The following FBLN2 variants were observed in gnomAD, a reference collection of about 807,000 sequenced individuals.
The protein encoded by FBLN2 is fibulin 2.
In FBLN2, 81 loss-of-function variants were observed where a neutral mutation model predicts 123.7. The ratio of observed to expected loss-of-function variants is 0.65; its 90% confidence interval spans 0.55 to 0.79. The LOEUF (loss-of-function observed/expected upper bound fraction) is 0.79, where lower values mean the gene tolerates loss of function less well. FBLN2 is among the 30% of genes least tolerant of loss of function. The probability of loss-of-function intolerance (pLI) is 0.00; values close to 1 mark genes in which losing one functional copy is unlikely to be tolerated. For synonymous variants in FBLN2, 699 were observed against 701.4 expected, an observed-to-expected ratio of 1.00 and a Z score of 0.05; for missense variants, 1,603 against 1,681.3, an observed-to-expected ratio of 0.95 and a Z score of 0.81.
At chr3:13,572,484 C>T (rs1240629551) in intron 2 of FBLN2, among the ~76,000 whole-genome samples, 1 of 152,262 alleles carries the variant, frequency 6.6e-6, no homozygotes, top group East Asian at 1.9e-4. Context: ...CTGGAGCCTG[C>T]ACTCCTGACC....
intron 2 of FBLN2, among the ~76,000 whole-genome samples, chr3:13,579,343 A>G (rs1704247984): frequency 6.6e-6 from 1 of 152,216 alleles, no homozygotes; most frequent in Non-Finnish European, 1.5e-5. Context: ...TCTCCAGAGA[A>G]GTCCACTATA....
At chr3:13,562,395 C>T (rs1348998464) in intron 1 of FBLN2, among the ~76,000 whole-genome samples, 5 of 142,476 alleles carry the variant, frequency 3.5e-5, no homozygotes, top group Non-Finnish European at 4.5e-5. Context: ...CTTGCCGTGT[C>T]GCCCAGGCTG....
chr3:13,592,583 G>C (rs1704712041), intron 2 of FBLN2, among the ~76,000 whole-genome samples: 1 of 152,086 alleles, frequency 6.6e-6, no homozygotes, highest in Non-Finnish European at 1.5e-5. Context: ...TGACAGAATT[G>C]ACATCTCAAT....
rs1462384214 is a variant in FBLN2, at chr3:13,621,853, G to A, written c.2234G>A (p.Cys745Tyr). 5 of 1,614,000 alleles carry A rather than the reference G, an allele frequency of 3.1e-6. No homozygotes were observed. The highest frequency in any genetic ancestry group is 4.2e-6 in the Non-Finnish European group (5 of 1,179,878). The change falls in exon 9 of 18, where the codon TGT (cysteine) becomes TAT (tyrosine). Residue 745 changes from cysteine to tyrosine, a missense_variant. Cys to Tyr is a radical substitution (Grantham distance 194, BLOSUM62 -2). Coordinates refer to ENST00000404922, the MANE Select transcript of FBLN2 (RefSeq NM_001004019.2). ...GTGAACACCCTGGGATCCTTCTACT[G>A]TGTCAACCACACAGTGCTCTGTGCC... The part of the protein sequence containing the change: ...FCVNTLGSFY[C>Y]VNHTVLCADG...
chr3:13,616,068 G>A (rs1360078458), intron 5 of FBLN2, among the ~76,000 whole-genome samples: 2 of 152,194 alleles, frequency 1.3e-5, no homozygotes, highest in African/African-American at 4.8e-5. Context: ...GCAGGGGTGA[G>A]TGTGTGGGGG....
chr3:13,633,553 G>T (rs1706336549), intron 16 of FBLN2, among the ~76,000 whole-genome samples: 2 of 152,254 alleles, frequency 1.3e-5, no homozygotes, highest in South Asian at 2.1e-4. Context: ...AGCCACTTCT[G>T]CAGCTCCTGA....
Position 13,571,240 on chromosome 3 carries a change from G to T in FBLN2, c.885G>T (p.Gln295His). 2 of 1,568,640 alleles carry T rather than the reference G, an allele frequency of 1.3e-6. No individual in the cohort carries two copies. Among genetic ancestry groups the T allele is most frequent in the Admixed American group, 1.9e-5 (1 of 52,396 alleles). Residue 295 changes from glutamine to histidine, a missense_variant, in exon 2 of 18, where the codon CAG (glutamine) becomes CAT (histidine). Transcript: ENST00000404922. ...EEREEMAVTE[Q>H]LAAGGHRGLD... The stretch of plus-strand genomic sequence containing the variant: ...GAGAGGAAATGGCTGTCACTGAGCA[G>T]CTGGCAGCAGGTGGCCACAGGGGGC...
At chr3:13,561,000 A>T (rs927690617) in intron 1 of FBLN2, among the ~76,000 whole-genome samples, 2 of 152,090 alleles carry the variant, frequency 1.3e-5, no homozygotes, top group African/African-American at 2.4e-5. Context: ...AAGAGTACCT[A>T]AAAGTCGGTG....
rs375146853 is a variant in FBLN2, at chr3:13,631,384, C to T, written c.3141C>T (p.Asn1047=). The change falls in exon 16 of 18, where the codon AAC becomes AAT. Residue 1047 remains asparagine, a synonymous_variant. Coordinates refer to ENST00000404922, the MANE Select transcript of FBLN2 (RefSeq NM_001004019.2). The stretch of plus-strand genomic sequence containing the variant: ...TCCTCTGCACCTTCCGCTGTCTCAA[C>T]GTGCCAGGGAGCTACCAGTGTGCAT... The part of the protein sequence containing the change: ...AGILCTFRCL[N]VPGSYQCACP... The T allele has an allele frequency of 1.6e-5, 26 of 1,602,222 alleles. No homozygotes were observed. Among genetic ancestry groups the T allele is most frequent in the Middle Eastern group, 3.3e-4 (2 of 6,074 alleles).
chr3:13,575,630 C>A (rs181067453), intron 2 of FBLN2, among the ~76,000 whole-genome samples: 22 of 152,278 alleles, frequency 1.4e-4, no homozygotes, highest in African/African-American at 5.3e-4. Flanking sequence ...GATAACAAAG[C>A]TGCTCTCTAG....
chr3:13,591,424 A>G (rs1704671039), intron 2 of FBLN2, among the ~76,000 whole-genome samples: 1 of 152,242 alleles, frequency 6.6e-6, no homozygotes, highest in Non-Finnish European at 1.5e-5. Context: ...ATTGATCTAT[A>G]TATTTATGTT....
At chr3:13,630,929 C>T (rs960236705) in intron 15 of FBLN2, 114 bp downstream of exon 15, 16 of 816,158 alleles carry the variant, frequency 2.0e-5, no homozygotes, top group African/African-American at 1.9e-4. Flanking sequence ...AGCATCAGAT[C>T]TGAGTTCAAG....
In FBLN2 at chr3:13,629,153, A is replaced by AC. The variant is rs200535662; in HGVS notation, c.2714-5dup. The stretch of plus-strand genomic sequence containing the variant: ...CCCCAGGCCTCAAGGTACCCTGCTC[A>AC]CCCCCCACAGACGTGAATGAGTGTG... On this transcript the variant is annotated splice_polypyrimidine_tract_variant and intron_variant, in intron 12 of 17. Transcript: ENST00000404922. 1,433 of 1,612,238 alleles carry AC rather than the reference A, an allele frequency of 8.9e-4. 8 individuals carry two copies. The African/African-American group carries it at 0.017, about 19-fold the overall frequency.
intron 5 of FBLN2, 22 bp downstream of exon 5, chr3:13,614,186 C>T (rs774938751): frequency 3.1e-6 from 5 of 1,604,496 alleles, no homozygotes; most frequent in Non-Finnish European, 3.4e-6. Context: ...TCTTCCCTGG[C>T]TGCGGCATAT....
At chr3:13,580,230 A>G (rs1704278997) in intron 2 of FBLN2, among the ~76,000 whole-genome samples, 1 of 152,156 alleles carries the variant, frequency 6.6e-6, no homozygotes, top group African/African-American at 2.4e-5. Context: ...TGGCTGGCTC[A>G]GCTCTAGGAG....
At chr3:13,614,718 C>T (rs1281695231) in intron 5 of FBLN2, among the ~76,000 whole-genome samples, 10 of 151,232 alleles carry the variant, frequency 6.6e-5, no homozygotes, top group African/African-American at 2.4e-4. Flanking sequence ...ATCCATCTAT[C>T]CATCCATTCA....
At chr3:13,628,786 C>T in intron 11 of FBLN2, 119 bp from the exon 12 acceptor site, 1 of 1,230,302 alleles carries the variant, frequency 8.1e-7, no homozygotes, top group Admixed American at 2.7e-5. Flanking sequence ...GGCCCTGCAA[C>T]TCTGACCAGG....
At chr3:13,600,498 A>G (rs1363729094) in intron 2 of FBLN2, among the ~76,000 whole-genome samples, 2 of 151,948 alleles carry the variant, frequency 1.3e-5, no homozygotes, top group African/African-American at 2.4e-5. Flanking sequence ...CCCAGAGACG[A>G]CCTTCAGGAT....
chr3:13,603,559 C>T (rs1705110421), intron 2 of FBLN2, among the ~76,000 whole-genome samples: 1 of 152,148 alleles, frequency 6.6e-6, no homozygotes, highest in Admixed American at 6.5e-5. Context: ...CTACAAAGGA[C>T]ATGAACTCAT....
Sources: allele counts gnomAD v4.1 joint callset (sites outside exome capture counted in the v4.1 genomes callset), GRCh38; gene constraint gnomAD v4.1.1; transcripts MANE v1.5; gene names NCBI Gene and HGNC (gene_info 2026-07-23, HGNC 2026-07-21).